Variants in INPP5D observed in about 807,000 individuals in gnomAD.
INPP5D encodes the protein phosphatidylinositol 3,4,5-trisphosphate 5-phosphatase 1.
Under a neutral mutation model 122.9 loss-of-function variants are expected in INPP5D, and 33 were observed. The observed-to-expected ratio is 0.27, with a 90% CI of 0.20 to 0.36. The LOEUF is 0.36. INPP5D is among the 10% of genes least tolerant of loss of function. INPP5D has a pLI of 1.00. For missense variants in INPP5D, 1,053 were observed against 1,412.7 expected (o/e 0.75, Z 4.08); for synonymous variants, 584 against 576.2 (o/e 1.01, Z -0.19).
At chr2:233,073,779 T>C (rs1265563495) in intron 1 of INPP5D, among the ~76,000 whole-genome samples, 1 of 152,198 alleles carries the variant, frequency 6.6e-6, no homozygotes, top group Non-Finnish European at 1.5e-5. Context: ...TACCACTTTC[T>C]TGAGTGTGTC....
At chr2:233,131,534 TAAAAA>T (rs754526793) in intron 5 of INPP5D, among the ~76,000 whole-genome samples, 1 of 134,346 alleles carries the variant, frequency 7.4e-6, no homozygotes, top group African/African-American at 2.8e-5. Context: ...CTGTCTCTAC[TAAAAA>T]AAAAAAAAAA....
chr2:233,155,270 G>T (rs762971357), intron 9 of INPP5D, among the ~76,000 whole-genome samples: 3 of 152,096 alleles, frequency 2.0e-5, no homozygotes, highest in Non-Finnish European at 4.4e-5. Context: ...GCTCCGAAAA[G>T]GCAAAACAAA....
chr2:233,081,092 G>A (rs9679425), intron 2 of INPP5D, among the ~76,000 whole-genome samples: 64,099 of 152,100 alleles, frequency 0.42, 16,059 homozygotes, highest in Non-Finnish European at 0.56. Flanking sequence ...CGCAGGTTTG[G>A]CCTGGTTCTT....
At chr2:233,060,735 C>T in intron 1 of INPP5D, 123 bp downstream of exon 1, 1 of 1,311,206 alleles carries the variant, frequency 7.6e-7, no homozygotes, top group Non-Finnish European at 1.1e-6. Flanking sequence ...CACTTCCCCG[C>T]CACCCTGTCA....
intron 5 of INPP5D, 144 bp from the exon 6 acceptor site, chr2:233,139,698 T>A: frequency 2.6e-6 from 1 of 390,374 alleles, no homozygotes; most frequent in Non-Finnish European, 4.5e-6. Flanking sequence ...CCTTGATCTT[T>A]GCCCGGGCTT....
intron 2 of INPP5D, among the ~76,000 whole-genome samples, chr2:233,117,635 G>A (rs1692839933): frequency 6.6e-6 from 1 of 152,134 alleles, no homozygotes; most frequent in Non-Finnish European, 1.5e-5. Context: ...GGGCTGTACT[G>A]CCTGTTATTG....
chr2:233,166,322 G>C (rs1286981235), intron 13 of INPP5D, among the ~76,000 whole-genome samples: 1 of 152,212 alleles, frequency 6.6e-6, no homozygotes, highest in Non-Finnish European at 1.5e-5. Flanking sequence ...TCAGGGCTGG[G>C]CACTGGGTCA....
chr2:233,168,532 C>T (rs1234503745), intron 13 of INPP5D, among the ~76,000 whole-genome samples: 3 of 152,268 alleles, frequency 2.0e-5, no homozygotes, highest in Non-Finnish European at 4.4e-5. Context: ...AGTCTGAAAG[C>T]AGCTACAGAC....
intron 5 of INPP5D, among the ~76,000 whole-genome samples, chr2:233,133,131 C>T (rs778563643): frequency 6.6e-6 from 1 of 152,066 alleles, no homozygotes; most frequent in Non-Finnish European, 1.5e-5. Context: ...TGGGGTTTTG[C>T]CTTGTTGCCC....
intron 5 of INPP5D, among the ~76,000 whole-genome samples, chr2:233,135,209 TA>T: frequency 6.6e-6 from 1 of 151,242 alleles, no homozygotes. Context: ...TTTTTTTTCT[TA>T]TAAAGAGACA....
chr2:233,195,217 C>G (rs62192895), intron 23 of INPP5D, among the ~76,000 whole-genome samples, 182 bp from the exon 24 acceptor site: 14,217 of 152,176 alleles, frequency 0.093, 666 homozygotes, highest in South Asian at 0.14. Context: ...GGATCCACTG[C>G]AGGCATAACT....
intron 2 of INPP5D, among the ~76,000 whole-genome samples, chr2:233,116,258 G>GATATAGATATAGAT (rs1692791092): frequency 8.0e-6 from 1 of 124,452 alleles, no homozygotes; most frequent in African/African-American, 3.5e-5. Flanking sequence ...GATAGATATA[G>GATATAGATATAGAT]ATATAGATAT....
chr2:233,125,607 G>C, intron 3 of INPP5D, 138 bp from the exon 4 acceptor site: 1 of 751,334 alleles, frequency 1.3e-6, no homozygotes, highest in Non-Finnish European at 2.2e-6. Flanking sequence ...CCCTCCAGGA[G>C]GGAGTCAGCG....
rs1174660896 is a variant in INPP5D at position 233,078,665 on chromosome 2, T to C, written c.135-670T>C. ...GTGTTTCTTCTTCAAACACCCCCTC[T>C]TTTTTGTTGTTTTTTTGTTTTGTTT... On this transcript the variant is annotated intron_variant, in intron 1 of 26. Transcript: ENST00000445964. This position sits in a 1 kb window ranked among gnomAD's most constrained non-coding sequence, Gnocchi z 4.6. 6.6e-6 allele frequency among the ~76,000 whole-genome samples: 1 copy of C among 150,916 alleles called. No individual in the cohort carries two copies. Among genetic ancestry groups the C allele is most frequent in the African/African-American group, 2.5e-5 (1 of 40,510 alleles).
intron 13 of INPP5D, among the ~76,000 whole-genome samples, chr2:233,168,097 A>G (rs1340456418): frequency 1.3e-5 from 2 of 152,066 alleles, no homozygotes; most frequent in Non-Finnish European, 2.9e-5. Flanking sequence ...ATCAAAATAG[A>G]TTACAATTTG....
chr2:233,199,086 C>T (rs1296937856), intron 25 of INPP5D, among the ~76,000 whole-genome samples: 1 of 151,630 alleles, frequency 6.6e-6, no homozygotes, highest in Non-Finnish European at 1.5e-5. Context: ...CCCGTCTCTA[C>T]TGAAAATACA....
In INPP5D at chr2:233,163,915, G is replaced by A; in HGVS notation, c.1437+12G>A. The stretch of plus-strand genomic sequence containing the variant: ...TGACTTTTAAAACAGTGAGCAGCTG[G>A]CTGCACGCTGGGTGGGCTTCCGGGA... On this transcript the variant is annotated intron_variant, in intron 12 of 26. Coordinates refer to ENST00000445964, the MANE Select transcript of INPP5D (RefSeq NM_001017915.3). 1 of 1,612,254 alleles carries A rather than the reference G, an allele frequency of 6.2e-7. No individual in the cohort carries two copies. The highest frequency in any genetic ancestry group is 8.5e-7 in the Non-Finnish European group (1 of 1,178,580).
At chr2:233,102,308 G>C (rs780478348) in intron 2 of INPP5D, among the ~76,000 whole-genome samples, 1 of 152,184 alleles carries the variant, frequency 6.6e-6, no homozygotes, top group African/African-American at 2.4e-5. Flanking sequence ...CCATGATGCT[G>C]TAACTGGAGC....
At chr2:233,146,022 G>A (rs1407408681) in intron 6 of INPP5D, 140 bp from the exon 7 acceptor site, 5 of 702,600 alleles carry the variant, frequency 7.1e-6, no homozygotes, top group Non-Finnish European at 1.0e-5. Flanking sequence ...GTCCTCATCT[G>A]CCAGAAGGGG....
Sources: gnomAD v4.1 joint callset for allele counts (sites outside exome capture counted in the v4.1 genomes callset) on GRCh38, gnomAD v4.1.1 for gene constraint, Gnocchi (gnomAD v3.1) non-coding constraint, MANE v1.5 for transcripts, NCBI Gene and HGNC (gene_info 2026-07-23, HGNC 2026-07-21) for gene names.